Variants in JPH2 observed in about 807,000 individuals in gnomAD.
JPH2 encodes junctophilin 2.
In JPH2, 38 loss-of-function variants were observed where a neutral mutation model predicts 55.9. The ratio of observed to expected loss-of-function variants is 0.68; its 90% confidence interval spans 0.52 to 0.89. The LOEUF is 0.89. Among genes scored for constraint, JPH2 ranks in the 40% least tolerant of loss-of-function variants. The pLI is 0.00. For synonymous variants in JPH2, 480 were observed against 472.4 expected (o/e 1.02, Z -0.21); for missense variants, 964 against 1,037.6 (o/e 0.93, Z 0.97).
intron 2 of JPH2, among the ~76,000 whole-genome samples, chr20:44,124,094 G>A (rs918485708): frequency 7.2e-5 from 11 of 152,120 alleles, no homozygotes; most frequent in African/African-American, 2.4e-4. Flanking sequence ...TCTTGATTTC[G>A]TTCGGATTAA....
In JPH2 at chr20:44,107,862, T is replaced by C. The variant is rs2145832225; in HGVS notation, c.*5656A>G. Reference sequence around the variant, plus strand: ...TTTTGTCCTGGCTCCTAGGAAGTAATTTCTAAACCCTTAGGATATCCTGAT... The same window carrying C: ...TTTTGTCCTGGCTCCTAGGAAGTAACTTCTAAACCCTTAGGATATCCTGAT... On this transcript the variant is annotated 3_prime_UTR_variant, in exon 6 of 6. Coordinates refer to ENST00000372980, the MANE Select transcript of JPH2 (RefSeq NM_020433.5). Among the ~76,000 whole-genome samples, 1 of 152,318 alleles carries C rather than the reference T, an allele frequency of 6.6e-6. No individual in the cohort carries two copies. The highest frequency in any genetic ancestry group is 1.9e-4 in the East Asian group (1 of 5,186).
intron 2 of JPH2, among the ~76,000 whole-genome samples, chr20:44,127,526 C>T (rs1247898667): frequency 6.6e-6 from 1 of 150,902 alleles, no homozygotes; most frequent in African/African-American, 2.4e-5. Context: ...CGCTCTGTCG[C>T]CCAGGCTGGA....
chr20:44,163,878 C>A (rs1032568555), intron 1 of JPH2, among the ~76,000 whole-genome samples: 3 of 152,196 alleles, frequency 2.0e-5, no homozygotes, highest in Non-Finnish European at 4.4e-5. Flanking sequence ...GAGGGAGAGA[C>A]ACCTGGGCTC....
At chr20:44,172,949 A>G (rs1298003707) in intron 1 of JPH2, among the ~76,000 whole-genome samples, 2 of 152,196 alleles carry the variant, frequency 1.3e-5, no homozygotes, top group African/African-American at 2.4e-5. Context: ...AAAACTTATG[A>G]CAGTGAAAAA....
At chr20:44,168,771 C>T (rs969009806) in intron 1 of JPH2, among the ~76,000 whole-genome samples, 5 of 152,190 alleles carry the variant, frequency 3.3e-5, no homozygotes, top group Non-Finnish European at 5.9e-5. Context: ...GTGACCATTT[C>T]GGAAATGCAA....
chr20:44,177,310 T>C (rs1173361728), intron 1 of JPH2: 3 of 985,956 alleles, frequency 3.0e-6, no homozygotes, highest in African/African-American at 1.8e-5. Flanking sequence ...TCGGCATTCC[T>C]CATGAGGGTG....
chr20:44,125,612 C>T (rs1225966713), intron 2 of JPH2, among the ~76,000 whole-genome samples: 2 of 152,134 alleles, frequency 1.3e-5, no homozygotes, highest in Admixed American at 1.3e-4. Flanking sequence ...CTGGGGAGCT[C>T]GCAGCCCAAT....
intron 1 of JPH2, among the ~76,000 whole-genome samples, chr20:44,171,840 A>C (rs1254041220): frequency 6.6e-6 from 1 of 152,138 alleles, no homozygotes; most frequent in Non-Finnish European, 1.5e-5. Context: ...TTTTGTATTT[A>C]AGTAATTGTT....
chr20:44,154,594 G>T (rs967503279), intron 2 of JPH2, among the ~76,000 whole-genome samples: 1 of 152,088 alleles, frequency 6.6e-6, no homozygotes, highest in African/African-American at 2.4e-5. Flanking sequence ...CGTAGCCTCC[G>T]GGCTGACAAA....
At position 44,160,838 on chromosome 20, in the gene JPH2, C is replaced by T. The variant is rs1008916644; in HGVS notation, c.380-431G>A. 1.3e-5 allele frequency among the ~76,000 whole-genome samples: 2 copies of T among 152,288 alleles called. No individual in the cohort carries two copies. Among genetic ancestry groups the T allele is most frequent in the South Asian group, 4.1e-4 (2 of 4,828 alleles). On this transcript the variant is annotated intron_variant, in intron 1 of 5. Coordinates refer to ENST00000372980, the MANE Select transcript of JPH2 (RefSeq NM_020433.5). This position sits in a 1 kb window ranked among gnomAD's most constrained non-coding sequence, Gnocchi z 4.9. ...GTGGCTCACGCCTGTAATCCCAGCA[C>T]TTGGGAAGGTGGAGGCGGATGGATC...
intron 1 of JPH2, among the ~76,000 whole-genome samples, chr20:44,161,406 G>C (rs1451789586): frequency 6.6e-6 from 1 of 152,088 alleles, no homozygotes; most frequent in African/African-American, 2.4e-5. Flanking sequence ...AGCCATCCAA[G>C]TCTTATGTGT....
At chr20:44,126,334 G>A (rs1475873030) in intron 2 of JPH2, among the ~76,000 whole-genome samples, 1 of 152,122 alleles carries the variant, frequency 6.6e-6, no homozygotes, top group African/African-American at 2.4e-5. Context: ...GGAATCCCAT[G>A]GTAGGTTTGG....
Position 44,110,977 on chromosome 20 carries a change from A to G in JPH2, c.*2541T>C, listed in dbSNP as rs919536946. Among the ~76,000 whole-genome samples, 2 of 151,476 alleles carry G rather than the reference A, an allele frequency of 1.3e-5. No homozygotes were observed. Among genetic ancestry groups the G allele is most frequent in the African/African-American group, 2.4e-5 (1 of 41,168 alleles). Reference sequence around the variant, plus strand: ...GTTGGTTGAGGGACCTTCTTCTCCAACCCCCTCGCTGGGAACCACCGGCTG... The same window carrying G: ...GTTGGTTGAGGGACCTTCTTCTCCAGCCCCCTCGCTGGGAACCACCGGCTG... On this transcript the variant is annotated 3_prime_UTR_variant, in exon 6 of 6. Transcript: ENST00000372980.
chr20:44,159,672 C>T lies in JPH2; in HGVS notation c.1115G>A (p.Gly372Asp). ...VRQKVEHSVE[G>D]AQRAAAIARQ... ...CGCGATAGCAGCGGCGCGCTGGGCACCCTCCACACTGTGCTCCACTTTCTG... is the reference window on the plus strand; with the variant it reads ...CGCGATAGCAGCGGCGCGCTGGGCATCCTCCACACTGTGCTCCACTTTCTG... Residue 372 changes from glycine to aspartate, a missense_variant, in exon 2 of 6, where the codon GGT (glycine) becomes GAT (aspartate). Transcript: ENST00000372980. The surrounding 1 kb of genome is among the most constrained non-coding windows in gnomAD (Gnocchi z 5.7). The T allele has an allele frequency of 1.2e-6, 2 of 1,611,788 alleles. No homozygotes were observed. Among genetic ancestry groups the T allele is most frequent in the South Asian group, 1.1e-5 (1 of 91,080 alleles).
intron 1 of JPH2, among the ~76,000 whole-genome samples, chr20:44,162,787 T>TATATACAC (rs1311653754): frequency 1.7e-4 from 7 of 41,000 alleles, no homozygotes; most frequent in African/African-American, 2.5e-4. Context: ...TATATATATA[T>TATATACAC]ACACACACAC....
chr20:44,133,994 AAT>A (rs1335938259), intron 2 of JPH2, among the ~76,000 whole-genome samples: 1 of 31,588 alleles, frequency 3.2e-5, no homozygotes, highest in Admixed American at 6.9e-4. Context: ...TATTATTATA[AAT>A]ATATATAAAT....
intron 2 of JPH2, among the ~76,000 whole-genome samples, chr20:44,143,725 A>G (rs954325667): frequency 2.0e-5 from 3 of 152,156 alleles, no homozygotes; most frequent in Non-Finnish European, 4.4e-5. Context: ...CAGGAACCTT[A>G]ACTGAGGGCC....
intron 2 of JPH2, among the ~76,000 whole-genome samples, chr20:44,143,582 A>G (rs1034849669): frequency 4.6e-5 from 7 of 152,204 alleles, no homozygotes; most frequent in Non-Finnish European, 8.8e-5. Flanking sequence ...TGATGCCTCA[A>G]TAACACACAC....
intron 1 of JPH2, among the ~76,000 whole-genome samples, chr20:44,167,280 G>A (rs1261045238): frequency 6.6e-6 from 1 of 152,204 alleles, no homozygotes; most frequent in Non-Finnish European, 1.5e-5. Flanking sequence ...CAAGAGGGAG[G>A]AAGCTTTGTC....
Sources: gnomAD v4.1 joint callset for allele counts (sites outside exome capture counted in the v4.1 genomes callset) on GRCh38, gnomAD v4.1.1 for gene constraint, Gnocchi (gnomAD v3.1) non-coding constraint, MANE v1.5 for transcripts, NCBI Gene and HGNC (gene_info 2026-07-23, HGNC 2026-07-21) for gene names.